Variants in CFAP299 observed in about 807,000 individuals in gnomAD.
CFAP299 encodes the protein cilia- and flagella-associated protein 299.
In CFAP299, 21 loss-of-function variants were observed where a neutral mutation model predicts 27.0. The observed-to-expected ratio is 0.78, with a 90% confidence interval of 0.55 to 1.12. The LOEUF is 1.12. Among genes scored for constraint, CFAP299 ranks in the 50% most tolerant of loss-of-function variants. The pLI, the probability that CFAP299 is intolerant of heterozygous loss-of-function variation, is 0.00. For synonymous variants in CFAP299, 104 were observed against 98.1 expected (o/e 1.06, Z -0.36); for missense variants, 310 against 276.6 (o/e 1.12, Z -0.86).
chr4:80,911,215 TG>T (rs1219793341), intron 4 of CFAP299, among the ~76,000 whole-genome samples: 15 of 148,954 alleles, frequency 1.0e-4, no homozygotes, highest in African/African-American at 2.3e-4. Context: ...TTTGCTTGGT[TG>T]TTTTTTTTTT....
intron 3 of CFAP299, among the ~76,000 whole-genome samples, chr4:80,696,885 C>A (rs142068377): frequency 6.6e-6 from 1 of 152,114 alleles, no homozygotes; most frequent in Non-Finnish European, 1.5e-5. Context: ...GGGGAAGTAG[C>A]CAGAAGCAAA....
At chr4:80,424,315 G>A (rs1327722706) in intron 2 of CFAP299, among the ~76,000 whole-genome samples, 1 of 152,190 alleles carries the variant, frequency 6.6e-6, no homozygotes, top group Admixed American at 6.5e-5. Context: ...GAGTGATTGT[G>A]ACCTAAAGAG....
chr4:80,743,905 A>G (rs576232458), intron 3 of CFAP299, among the ~76,000 whole-genome samples: 3 of 152,360 alleles, frequency 2.0e-5, no homozygotes, highest in African/African-American at 7.2e-5. Flanking sequence ...TTCATCATTT[A>G]TAGTAAATAC....
At chr4:80,950,259 C>CG (rs1035603424) in intron 5 of CFAP299, among the ~76,000 whole-genome samples, 5 of 151,614 alleles carry the variant, frequency 3.3e-5, no homozygotes, top group African/African-American at 1.2e-4. Context: ...CTCCACCCCC[C>CG]CCCTTTCTCA....
intron 3 of CFAP299, among the ~76,000 whole-genome samples, chr4:80,805,828 C>G (rs142165163): frequency 6.6e-6 from 1 of 152,106 alleles, no homozygotes; most frequent in Non-Finnish European, 1.5e-5. Flanking sequence ...GAGCCAACAT[C>G]GTGCCACTGC....
intron 3 of CFAP299, among the ~76,000 whole-genome samples, chr4:80,823,626 G>A (rs1236708884): frequency 6.6e-6 from 1 of 152,060 alleles, no homozygotes; most frequent in Non-Finnish European, 1.5e-5. Flanking sequence ...ACCTCATTAT[G>A]TTTTCATACA....
rs773077197 is a variant in CFAP299 at position 80,362,847 on chromosome 4, A to G, written c.205A>G (p.Ile69Val). 39 of 1,612,768 alleles carry G rather than the reference A, an allele frequency of 2.4e-5. No individual in the cohort carries two copies. The highest frequency in any genetic ancestry group is 3.1e-5 in the Non-Finnish European group (37 of 1,179,688). Residue 69 changes from isoleucine (I) to valine (V), a missense_variant, in exon 2 of 6, where the codon ATA becomes GTA. Ile to Val is a conservative substitution (Grantham distance 29). Transcript: ENST00000358105. ...REDFEARKAA[I>V]EIARLAERAQ... Reference sequence around the variant, plus strand: ...AGATTTTGAAGCAAGGAAAGCGGCTATAGAGATTGCAAGACTGGCTGAAAG... The same window carrying G: ...AGATTTTGAAGCAAGGAAAGCGGCTGTAGAGATTGCAAGACTGGCTGAAAG...
intron 3 of CFAP299, among the ~76,000 whole-genome samples, chr4:80,749,734 G>A (rs1484793861): frequency 6.6e-6 from 1 of 152,234 alleles, no homozygotes; most frequent in Non-Finnish European, 1.5e-5. Flanking sequence ...AAGACTCAGT[G>A]AGTCTACTCT....
At chr4:80,726,370 T>C (rs902185898) in intron 3 of CFAP299, among the ~76,000 whole-genome samples, 1 of 152,158 alleles carries the variant, frequency 6.6e-6, no homozygotes. Context: ...CCCTATTAAG[T>C]AGTCATTGAT....
At chr4:80,769,245 A>C (rs1042128202) in intron 3 of CFAP299, among the ~76,000 whole-genome samples, 4 of 152,214 alleles carry the variant, frequency 2.6e-5, no homozygotes, top group African/African-American at 9.7e-5. Context: ...CTACGGTATG[A>C]CATGAGTATT....
At chr4:80,682,467 AC>A (rs1719903854) in intron 3 of CFAP299, among the ~76,000 whole-genome samples, 1 of 151,792 alleles carries the variant, frequency 6.6e-6, no homozygotes. Flanking sequence ...AATTCAACCA[AC>A]CCCTTTGGTT....
At chr4:80,410,829 C>T (rs747958742) in intron 2 of CFAP299, among the ~76,000 whole-genome samples, 1 of 152,084 alleles carries the variant, frequency 6.6e-6, no homozygotes, top group Non-Finnish European at 1.5e-5. Flanking sequence ...AGAATTCAAA[C>T]CTTGGCCTGC....
At chr4:80,614,112 A>C (rs1219128142) in intron 3 of CFAP299, among the ~76,000 whole-genome samples, 1 of 151,976 alleles carries the variant, frequency 6.6e-6, no homozygotes, top group Admixed American at 6.6e-5. Flanking sequence ...TCCCCTTTTC[A>C]TTTCTGTATA....
At chr4:80,854,810 G>GAAAAAAAA (rs58533748) in intron 3 of CFAP299, among the ~76,000 whole-genome samples, 7 of 43,378 alleles carry the variant, frequency 1.6e-4, no homozygotes, top group East Asian at 7.4e-4. Context: ...CTGTTGCTAT[G>GAAAAAAAA]AAAAAAAAAA....
chr4:80,711,086 A>G (rs946892565), intron 3 of CFAP299, among the ~76,000 whole-genome samples: 13 of 152,186 alleles, frequency 8.5e-5, no homozygotes, highest in African/African-American at 2.4e-4. Flanking sequence ...TGCCCTGCTG[A>G]CACTACACAG....
chr4:80,504,505 A>ATATATTTTTTTT (rs1483255216), intron 2 of CFAP299, among the ~76,000 whole-genome samples: 1 of 110,182 alleles, frequency 9.1e-6, no homozygotes, highest in Non-Finnish European at 1.9e-5. Context: ...ATATATATAT[A>ATATATTTTTTTT]TTTTCCTTTG....
rs758708913 is a variant in CFAP299, at chr4:80,362,823, G to A, written c.181G>A (p.Asp61Asn). Residue 61 changes from aspartate to asparagine, a missense_variant, in exon 2 of 6, where the codon GAT (aspartate) becomes AAT (asparagine). Physicochemically the swap from Asp to Asn is conservative, Grantham distance 23. Coordinates refer to ENST00000358105, the MANE Select transcript of CFAP299 (RefSeq NM_152770.3). ...RGTGERVKRE[D>N]FEARKAAIEI... ...GACTGGAGAGAGAGTGAAAAGGGAAGATTTTGAAGCAAGGAAAGCGGCTAT... is the reference window on the plus strand; with the variant it reads ...GACTGGAGAGAGAGTGAAAAGGGAAAATTTTGAAGCAAGGAAAGCGGCTAT... 1.5e-5 allele frequency: 24 copies of A among 1,613,148 alleles called. No homozygotes were observed. The highest frequency in any genetic ancestry group is 1.9e-5 in the Non-Finnish European group (23 of 1,179,822).
intron 3 of CFAP299, among the ~76,000 whole-genome samples, chr4:80,820,826 G>A (rs1024652579): frequency 1.6e-4 from 25 of 152,100 alleles, no homozygotes; most frequent in Non-Finnish European, 2.2e-4. Flanking sequence ...AATGAATAGC[G>A]TTATATGGCT....
At chr4:80,426,182 A>C (rs1727521990) in intron 2 of CFAP299, among the ~76,000 whole-genome samples, 2 of 151,382 alleles carry the variant, frequency 1.3e-5, no homozygotes, top group Non-Finnish European at 2.9e-5. Context: ...CATGTTAACT[A>C]TTTCTATATT....
Sources: allele counts gnomAD v4.1 joint callset (sites outside exome capture counted in the v4.1 genomes callset), GRCh38; gene constraint gnomAD v4.1.1; transcripts MANE v1.5; gene names NCBI Gene and HGNC (gene_info 2026-07-23, HGNC 2026-07-21).